DNAH7: variants seen among roughly 807,000 people sequenced by gnomAD.
The protein encoded by DNAH7 is dynein axonemal heavy chain 7, also known as axonemal beta dynein heavy chain 7.
DNAH7 carries 397 observed loss-of-function variants against 444.6 expected under a neutral mutation model. That is an observed-to-expected ratio of 0.89 (90% confidence interval 0.82 to 0.97). The LOEUF is 0.97. DNAH7 is among the 50% of genes least tolerant of loss of function. The probability of loss-of-function intolerance (pLI) is 0.00; values close to 1 mark genes in which losing one functional copy is unlikely to be tolerated. For synonymous variants in DNAH7, 1,636 were observed against 1,624.4 expected (o/e 1.01, Z -0.17); for missense variants, 4,902 against 4,800.8 (o/e 1.02, Z -0.62).
chr2:196,023,293 C>G (rs540052934), intron 8 of DNAH7, among the ~76,000 whole-genome samples: 9 of 151,902 alleles, frequency 5.9e-5, no homozygotes, highest in Admixed American at 2.0e-4. Context: ...AAGGCCTCCC[C>G]AGATGTCAAG....
chr2:195,744,709 T>A (rs1383654309), intron 63 of DNAH7, among the ~76,000 whole-genome samples: 5 of 152,174 alleles, frequency 3.3e-5, no homozygotes, highest in Admixed American at 3.3e-4. Context: ...AAATCCGCTG[T>A]TCTGCAGCCA....
At chr2:195,785,594 T>A (rs1177702922) in intron 58 of DNAH7, among the ~76,000 whole-genome samples, 1 of 151,792 alleles carries the variant, frequency 6.6e-6, no homozygotes. Flanking sequence ...GAGCTTTTTT[T>A]TTTTTTTTTG....
intron 43 of DNAH7, 35 bp downstream of exon 43, chr2:195,858,439 C>T: frequency 1.3e-6 from 2 of 1,488,280 alleles, no homozygotes; most frequent in Non-Finnish European, 1.8e-6. Context: ...GCTATGATGA[C>T]ATGTGTCCTA....
intron 63 of DNAH7, among the ~76,000 whole-genome samples, chr2:195,748,050 TG>T (rs1269999115): frequency 6.6e-6 from 1 of 152,230 alleles, no homozygotes; most frequent in South Asian, 2.1e-4. Flanking sequence ...AAATTGTCCC[TG>T]TTTGCAGATG....
chr2:195,952,100 T>C (rs933387963), intron 19 of DNAH7, among the ~76,000 whole-genome samples: 1 of 152,334 alleles, frequency 6.6e-6, no homozygotes. Context: ...AGTGCTTCCT[T>C]CAGGAGCTCT....
chr2:195,777,121 T>C (rs2105951095), intron 59 of DNAH7, among the ~76,000 whole-genome samples: 2 of 152,318 alleles, frequency 1.3e-5, no homozygotes, highest in South Asian at 4.1e-4. Context: ...TGTGTTTCTG[T>C]TGCTTGTGTT....
At chr2:195,890,333 T>G (rs1323851631) in intron 31 of DNAH7, among the ~76,000 whole-genome samples, 1 of 152,118 alleles carries the variant, frequency 6.6e-6, no homozygotes, top group Non-Finnish European at 1.5e-5. Context: ...AACACTACCG[T>G]GCAATGGCGA....
At chr2:195,828,215 T>C (rs1247535088) in intron 48 of DNAH7, among the ~76,000 whole-genome samples, 1 of 152,196 alleles carries the variant, frequency 6.6e-6, no homozygotes, top group Non-Finnish European at 1.5e-5. Context: ...CCCATTGTCT[T>C]AAGGTATTTG....
chr2:195,969,919 T>A, intron 17 of DNAH7, 29 bp downstream of exon 17: 1 of 1,590,894 alleles, frequency 6.3e-7, no homozygotes, highest in Non-Finnish European at 8.5e-7. Flanking sequence ...TTGAACTAAT[T>A]CATCTTTTTA....
chr2:195,948,993 T>C (rs1409099415), intron 19 of DNAH7, among the ~76,000 whole-genome samples: 1 of 152,114 alleles, frequency 6.6e-6, no homozygotes, highest in Non-Finnish European at 1.5e-5. Context: ...TAGTCCTCCT[T>C]GAAGAGGTCC....
At chr2:195,792,751 A>T (rs1474311581) in intron 57 of DNAH7, among the ~76,000 whole-genome samples, 6 of 151,756 alleles carry the variant, frequency 4.0e-5, no homozygotes, top group South Asian at 2.1e-4. Context: ...ATAAAGGGCC[A>T]TGATATATCT....
At chr2:195,867,739 T>C (rs1700429116) in intron 40 of DNAH7, among the ~76,000 whole-genome samples, 1 of 152,356 alleles carries the variant, frequency 6.6e-6, no homozygotes, top group African/African-American at 2.4e-5. Context: ...TCTAGGTTCA[T>C]CTATGTTGTA....
intron 51 of DNAH7, among the ~76,000 whole-genome samples, chr2:195,815,918 G>A (rs1254837394): frequency 5.9e-5 from 9 of 152,176 alleles, no homozygotes; most frequent in East Asian, 3.9e-4. Flanking sequence ...GTGTGAACCC[G>A]GGAGGCGGAG....
At chr2:195,750,278 G>A (rs1486573328) in intron 63 of DNAH7, among the ~76,000 whole-genome samples, 1 of 152,104 alleles carries the variant, frequency 6.6e-6, no homozygotes, top group Non-Finnish European at 1.5e-5. Context: ...CAATAATTAT[G>A]TTCAGTATAT....
intron 64 of DNAH7, 31 bp from the exon 65 acceptor site, chr2:195,738,158 T>G: frequency 1.3e-6 from 2 of 1,583,112 alleles, no homozygotes. Flanking sequence ...CCTCTTTAAG[T>G]CAAGGCTGTT....
chr2:195,749,501 T>C (rs180819614), intron 63 of DNAH7, among the ~76,000 whole-genome samples: 95 of 152,312 alleles, frequency 6.2e-4, no homozygotes, highest in African/African-American at 2.2e-3. Context: ...CAAAGGACTA[T>C]AAATCATGCT....
In DNAH7 at chr2:196,043,241, GA is replaced by G. The variant is rs1009580056; in HGVS notation, c.398+4110del. Among the ~76,000 whole-genome samples the G allele has an allele frequency of 1.9e-4, 29 of 150,876 alleles. 1 individual carries two copies. The highest frequency in any genetic ancestry group is 3.3e-4 in the Admixed American group (5 of 15,174). The stretch of plus-strand genomic sequence containing the variant: ...TCTCAAAGCTTTTTTTAAAAAAAGG[GA>G]AAAAAAAGCCTATCTGTGAGGCTTT... On this transcript the variant is annotated intron_variant, in intron 5 of 64. Coordinates refer to ENST00000312428, the MANE Select transcript of DNAH7 (RefSeq NM_018897.3).
intron 61 of DNAH7, among the ~76,000 whole-genome samples, chr2:195,761,347 C>T (rs1694341199): frequency 6.6e-6 from 1 of 151,838 alleles, no homozygotes; most frequent in Non-Finnish European, 1.5e-5. Context: ...AGAAAATAGC[C>T]TTAAAAGGGC....
In DNAH7 at chr2:195,934,764, A is replaced by G. The variant is rs1688936803; in HGVS notation, c.3298T>C (p.Phe1100Leu). The change falls in exon 21 of 65, where the codon TTT becomes CTT. Residue 1100 changes from phenylalanine to leucine, a missense_variant. Coordinates refer to ENST00000312428, the MANE Select transcript of DNAH7 (RefSeq NM_018897.3). ...TRVQPHLKKCFEGIAKVEFTE... is the reference protein window; with the variant it reads ...TRVQPHLKKCLEGIAKVEFTE... ...AATTCTACCTTTGCGATTCCTTCAAAACATTTCTTCAAGTGAGGTTGCACC... is the reference window on the plus strand; with the variant it reads ...AATTCTACCTTTGCGATTCCTTCAAGACATTTCTTCAAGTGAGGTTGCACC... The G allele has an allele frequency of 6.2e-7, 1 of 1,614,058 alleles. No homozygotes were observed. The highest frequency in any genetic ancestry group is 8.5e-7 in the Non-Finnish European group (1 of 1,179,970).
Sources: gnomAD v4.1 joint callset for allele counts (sites outside exome capture counted in the v4.1 genomes callset) on GRCh38, gnomAD v4.1.1 for gene constraint, MANE v1.5 for transcripts, NCBI Gene and HGNC (gene_info 2026-07-23, HGNC 2026-07-21) for gene names.